Variants in FAM78B observed in about 807,000 individuals in gnomAD.
The protein encoded by FAM78B is protein FAM78B.
FAM78B carries 10 observed loss-of-function variants against 20.0 expected under a neutral mutation model. That is an observed-to-expected ratio of 0.50 (90% CI 0.31 to 0.85). The LOEUF (loss-of-function observed/expected upper bound fraction) is 0.85. FAM78B is among the 40% of genes least tolerant of loss of function. The probability of loss-of-function intolerance (pLI) is 0.05; values close to 1 mark genes in which losing one functional copy is unlikely to be tolerated. For synonymous variants in FAM78B, 135 were observed against 132.8 expected, an observed-to-expected ratio of 1.02 and a Z score of -0.12; for missense variants, 283 against 345.0, an observed-to-expected ratio of 0.82 and a Z score of 1.42.
rs141713943 is a variant in FAM78B, at chr1:166,143,818, C to T, written c.263+22168G>A. Among the ~76,000 whole-genome samples, 97 of 152,172 alleles carry T rather than the reference C, an allele frequency of 6.4e-4. 1 individual carries two copies. Among genetic ancestry groups the T allele is most frequent in the Middle Eastern group, 3.4e-3 (1 of 294 alleles). ...CACCATAACTGACAATACATTGAGC[C>T]CTTAACCACGTGAGCCCCTGTGCCA... On this transcript the variant is annotated intron_variant, in intron 1 of 1. Transcript: ENST00000354422.
intron 1 of FAM78B, among the ~76,000 whole-genome samples, chr1:166,141,998 G>A (rs1210472193): frequency 6.6e-6 from 1 of 152,176 alleles, no homozygotes; most frequent in Non-Finnish European, 1.5e-5. Flanking sequence ...GGTCTTGGAA[G>A]GGCATGCCAC....
intron 1 of FAM78B, among the ~76,000 whole-genome samples, chr1:166,110,361 C>G (rs995093598): frequency 4.6e-5 from 7 of 152,180 alleles, no homozygotes; most frequent in African/African-American, 1.7e-4. Context: ...GATCCTCCCT[C>G]TGCAGAGCTG....
At chr1:166,094,695 T>C (rs1381950571) in intron 1 of FAM78B, among the ~76,000 whole-genome samples, 2 of 152,188 alleles carry the variant, frequency 1.3e-5, no homozygotes, top group East Asian at 3.8e-4. Flanking sequence ...GATGCTCCCA[T>C]GAATCAAAAT....
intron 1 of FAM78B, among the ~76,000 whole-genome samples, chr1:166,128,338 G>T: frequency 6.6e-6 from 1 of 152,196 alleles, no homozygotes; most frequent in East Asian, 1.9e-4. Flanking sequence ...TGCAGCAAGA[G>T]AAAGAAGAGA....
Position 166,069,829 on chromosome 1 carries a change from G to A in FAM78B, c.*412C>T, listed in dbSNP as rs574827901. On this transcript the variant is annotated 3_prime_UTR_variant, in exon 2 of 2. Coordinates refer to ENST00000354422, the MANE Select transcript of FAM78B (RefSeq NM_001017961.5). ...GTCAGACAGCAGGAGTCTGTCTTAC[G>A]ACCACCTGGTGTGGATGTTTTCACT... is the stretch of plus-strand genomic sequence containing the variant. The A allele has an allele frequency of 1.3e-4, 36 of 278,048 alleles. No individual in the cohort carries two copies. The East Asian group carries it at 4.2e-3, about 33-fold the overall frequency. The allele number at this position is 278,048 out of a possible 1,614,324, so 17.2% of individuals were successfully genotyped here. A position where few individuals can be genotyped will look rare whatever the true frequency, so the allele number is the denominator to read the frequency against.
At chr1:166,090,308 C>A (rs980868024) in intron 1 of FAM78B, among the ~76,000 whole-genome samples, 1 of 152,190 alleles carries the variant, frequency 6.6e-6, no homozygotes, top group Non-Finnish European at 1.5e-5. Context: ...ATTTTCTAAG[C>A]CTGGTCATCA....
At chr1:166,132,602 A>T (rs748691169) in intron 1 of FAM78B, among the ~76,000 whole-genome samples, 21 of 152,178 alleles carry the variant, frequency 1.4e-4, no homozygotes, top group African/African-American at 2.9e-4. Flanking sequence ...GATTCCCTCC[A>T]TCCTCCCAAT....
intron 1 of FAM78B, among the ~76,000 whole-genome samples, chr1:166,084,204 A>AG (rs1652699718): frequency 2.3e-5 from 1 of 44,144 alleles, no homozygotes; most frequent in Non-Finnish European, 5.0e-5. Context: ...GGATGTAGAA[A>AG]CCACACACAC....
chr1:166,101,456 C>A (rs576875705), intron 1 of FAM78B, among the ~76,000 whole-genome samples: 19 of 152,088 alleles, frequency 1.2e-4, no homozygotes, highest in African/African-American at 4.3e-4. Context: ...AAGTTAAAAA[C>A]CTTGAAAAAA....
At chr1:166,157,897 G>A in intron 1 of FAM78B, among the ~76,000 whole-genome samples, 1 of 152,146 alleles carries the variant, frequency 6.6e-6, no homozygotes, top group East Asian at 1.9e-4. Context: ...CAAGGAATGT[G>A]CTCCTCAGCA....
chr1:166,075,949 A>C (rs1233608974), intron 1 of FAM78B, among the ~76,000 whole-genome samples: 1 of 152,162 alleles, frequency 6.6e-6, no homozygotes, highest in East Asian at 1.9e-4. Flanking sequence ...TCCACATGCT[A>C]CCTATCAGCA....
intron 2 of FAM78B, among the ~76,000 whole-genome samples, chr1:166,062,113 C>T (rs1651623179): frequency 6.6e-6 from 1 of 152,174 alleles, no homozygotes; most frequent in South Asian, 2.1e-4. Flanking sequence ...GCTCAGAGCT[C>T]TCCATCAAAT....
chr1:166,075,950 C>T (rs140499380), intron 1 of FAM78B, among the ~76,000 whole-genome samples: 6 of 152,298 alleles, frequency 3.9e-5, no homozygotes, highest in African/African-American at 1.4e-4. Context: ...CCACATGCTA[C>T]CTATCAGCAA....
rs545392900 is a variant in FAM78B at position 166,166,275 on chromosome 1, G to A, written c.-27C>T. On this transcript the variant is annotated 5_prime_UTR_variant, in exon 1 of 2. Coordinates refer to ENST00000354422, the MANE Select transcript of FAM78B (RefSeq NM_001017961.5). ...CTGCAGCCCGGTGCCGGCACGGCGC[G>A]GCGTGGGGCAGCGCGGGGGCCCGCG... 4.2e-4 allele frequency: 542 copies of A among 1,281,114 alleles called. 1 individual carries two copies. The African/African-American group carries it at 7.0e-3, about 17-fold the overall frequency. 79.4% of individuals were successfully genotyped at this position (1,281,114 alleles called of 1,614,324 possible). A position where few individuals can be genotyped will look rare whatever the true frequency, so the allele number is the denominator to read the frequency against.
intron 1 of FAM78B, among the ~76,000 whole-genome samples, chr1:166,129,356 C>G (rs1424931606): frequency 6.6e-6 from 1 of 152,222 alleles, no homozygotes; most frequent in Non-Finnish European, 1.5e-5. Flanking sequence ...AAGCCCCAGG[C>G]TGAGTTGCTT....
At chr1:166,165,104 C>T (rs934153207) in intron 1 of FAM78B, 3 of 152,200 alleles carry the variant, frequency 2.0e-5, no homozygotes, top group Admixed American at 6.5e-5. Flanking sequence ...CAGCCAAGCC[C>T]GGCGCGCACC....
intron 1 of FAM78B, among the ~76,000 whole-genome samples, chr1:166,159,574 C>A (rs965930609): frequency 1.3e-5 from 2 of 152,084 alleles, no homozygotes; most frequent in Non-Finnish European, 2.9e-5. Flanking sequence ...GCAGACCTGC[C>A]CCTAAAACAG....
At chr1:166,114,967 T>C (rs761913235) in intron 1 of FAM78B, among the ~76,000 whole-genome samples, 1 of 152,126 alleles carries the variant, frequency 6.6e-6, no homozygotes, top group East Asian at 1.9e-4. Context: ...ATTGATAGCA[T>C]AGAGGTGGTG....
chr1:166,116,420 C>T (rs1434885175), intron 1 of FAM78B, among the ~76,000 whole-genome samples: 1 of 152,162 alleles, frequency 6.6e-6, no homozygotes, highest in African/African-American at 2.4e-5. Context: ...TGGCTCTGTC[C>T]AGGGCAACAT....
Sources: allele counts gnomAD v4.1 joint callset (sites outside exome capture counted in the v4.1 genomes callset), GRCh38; gene constraint gnomAD v4.1.1; transcripts MANE v1.5; gene names NCBI Gene and HGNC (gene_info 2026-07-23, HGNC 2026-07-21).